Variants in ZHX3 observed in about 807,000 individuals in gnomAD.
ZHX3 encodes the protein zinc fingers and homeoboxes protein 3.
ZHX3 carries 20 observed loss-of-function variants against 64.5 expected under a neutral mutation model. The observed-to-expected ratio is 0.31, with a 90% confidence interval of 0.22 to 0.45. The LOEUF (loss-of-function observed/expected upper bound fraction) is 0.45. ZHX3 is among the 20% of genes least tolerant of loss of function. The pLI is 1.00. For synonymous variants in ZHX3, 423 were observed against 461.6 expected, an observed-to-expected ratio of 0.92 and a Z score of 1.07; for missense variants, 1,041 against 1,195.8, an observed-to-expected ratio of 0.87 and a Z score of 1.91.
At chr20:41,197,999 C>CTTTTTTTTTTT (rs11478855) in intron 3 of ZHX3, among the ~76,000 whole-genome samples, 1 of 110,396 alleles carries the variant, frequency 9.1e-6, no homozygotes, top group East Asian at 2.5e-4. Context: ...AACTAGTGCT[C>CTTTTTTTTTTT]TTTTTTTTTT....
Position 41,203,761 on chromosome 20 carries a change from G to C in ZHX3, c.1156C>G (p.Pro386Ala). 6.2e-7 allele frequency: 1 copy of C among 1,614,236 alleles called. No individual in the cohort carries two copies. The highest frequency in any genetic ancestry group is 1.1e-5 in the South Asian group (1 of 91,084). ...FNTVIQSVPQPTITVLNTPLV... is the reference protein window; with the variant it reads ...FNTVIQSVPQATITVLNTPLV... ...GGGGTATTTAGAACCGTAATTGTGG[G>C]CTGAGGCACAGACTGGATGACTGTA... The change falls in exon 3 of 4, where the codon CCC (proline) becomes GCC (alanine). Residue 386 changes from proline (P) to alanine (A), a missense_variant. Pro to Ala is a conservative substitution (Grantham distance 27). This residue lies in a region of ZHX3 where 649 missense variants were observed against 739.8 expected (regional missense o/e 0.88). Transcript: ENST00000683867. This position sits in a 1 kb window ranked among gnomAD's most constrained non-coding sequence, Gnocchi z 7.1.
rs192047312 is a variant in ZHX3 at position 41,218,953 on chromosome 20, G to A, written c.-150-13887C>T. Among the ~76,000 whole-genome samples, 460 of 126,564 alleles carry A rather than the reference G, an allele frequency of 3.6e-3. 4 individuals carry two copies. Among genetic ancestry groups the A allele is most frequent in the African/African-American group, 0.013 (433 of 32,154 alleles). 83.0% of individuals were successfully genotyped at this position (126,564 alleles called of 152,430 possible). ...TTTTTTTTTTTTTTTTTTTTGAGAC[G>A]GAGTCTCGCTCTGTCGCCTAGGCTG... On this transcript the variant is annotated intron_variant, in intron 2 of 3. Coordinates refer to ENST00000683867, the MANE Select transcript of ZHX3 (RefSeq NM_001384317.1).
chr20:41,299,710 A>G (rs1470488572), intron 1 of ZHX3, among the ~76,000 whole-genome samples: 1 of 152,022 alleles, frequency 6.6e-6, no homozygotes, highest in African/African-American at 2.4e-5. Context: ...AAAAATACAA[A>G]AATTAGCCAG....
intron 2 of ZHX3, among the ~76,000 whole-genome samples, chr20:41,206,610 A>G (rs1213511104): frequency 1.3e-5 from 2 of 152,226 alleles, no homozygotes; most frequent in African/African-American, 4.8e-5. Flanking sequence ...AAAAGAGAAA[A>G]AAGAAACGAA....
At chr20:41,272,898 G>C (rs538053004) in intron 1 of ZHX3, among the ~76,000 whole-genome samples, 4 of 152,280 alleles carry the variant, frequency 2.6e-5, no homozygotes, top group African/African-American at 9.6e-5. Flanking sequence ...AACAGGAGTG[G>C]AATTGCTGGG....
chr20:41,218,142 T>A (rs2039672516), intron 2 of ZHX3, among the ~76,000 whole-genome samples: 1 of 151,576 alleles, frequency 6.6e-6, no homozygotes, highest in Non-Finnish European at 1.5e-5. Context: ...CAAGACCCTG[T>A]CTCCTAAAAA....
rs1015819680 is a variant in ZHX3 at position 41,228,592 on chromosome 20, AGGGAG to A, written c.-150-23531_-150-23527del. ...CTGTCCTCACATGGCAGAAGGGACC[AGGGAG>A]TGTCTGGGGTCTCTTTTATAAGGCC... On this transcript the variant is annotated intron_variant, in intron 2 of 3. Coordinates refer to ENST00000683867, the MANE Select transcript of ZHX3 (RefSeq NM_001384317.1). The surrounding 1 kb of genome is among the most constrained non-coding windows in gnomAD (Gnocchi z 4.6). 6.6e-6 allele frequency among the ~76,000 whole-genome samples: 1 copy of A among 152,202 alleles called. No homozygotes were observed. Among genetic ancestry groups the A allele is most frequent in the African/African-American group, 2.4e-5 (1 of 41,452 alleles).
At chr20:41,260,167 C>T (rs6129788) in intron 2 of ZHX3, among the ~76,000 whole-genome samples, 1 of 148,716 alleles carries the variant, frequency 6.7e-6, no homozygotes, top group East Asian at 1.9e-4. Flanking sequence ...AAACATCTCT[C>T]TAAGCCAAAT....
chr20:41,297,279 G>A (rs1271570868), intron 1 of ZHX3, among the ~76,000 whole-genome samples: 1 of 152,126 alleles, frequency 6.6e-6, no homozygotes, highest in African/African-American at 2.4e-5. Context: ...CCCCCAATAG[G>A]CCTGAGTTGG....
At chr20:41,275,150 C>T (rs1290288294) in intron 1 of ZHX3, among the ~76,000 whole-genome samples, 4 of 151,926 alleles carry the variant, frequency 2.6e-5, no homozygotes, top group African/African-American at 9.7e-5. Flanking sequence ...AAGAGTGAAA[C>T]TCCGTCTCAA....
At chr20:41,263,551 T>A (rs2042671642) in intron 2 of ZHX3, among the ~76,000 whole-genome samples, 1 of 151,968 alleles carries the variant, frequency 6.6e-6, no homozygotes, top group Admixed American at 6.5e-5. Flanking sequence ...TATGCCACCA[T>A]GCCCGGCTAA....
At chr20:41,283,978 T>C (rs2043817022) in intron 1 of ZHX3, among the ~76,000 whole-genome samples, 1 of 152,170 alleles carries the variant, frequency 6.6e-6, no homozygotes, top group Non-Finnish European at 1.5e-5. Context: ...GTACAAGTAT[T>C]AATATATATG....
chr20:41,302,003 G>T (rs917903583), intron 1 of ZHX3, among the ~76,000 whole-genome samples: 6 of 139,466 alleles, frequency 4.3e-5, no homozygotes, highest in African/African-American at 1.6e-4. Context: ...GCAGTGAGCC[G>T]AGACTGCGCC....
At chr20:41,270,135 T>G (rs538258784) in intron 1 of ZHX3, among the ~76,000 whole-genome samples, 17 of 152,174 alleles carry the variant, frequency 1.1e-4, no homozygotes, top group African/African-American at 3.9e-4. Flanking sequence ...CTCACGCCTG[T>G]AATCCCAGCA....
At chr20:41,243,158 G>A (rs1326096356) in intron 2 of ZHX3, among the ~76,000 whole-genome samples, 3 of 152,192 alleles carry the variant, frequency 2.0e-5, no homozygotes, top group African/African-American at 7.2e-5. Flanking sequence ...ATAATGGGGA[G>A]TCAGAGGCAT....
At position 41,203,394 on chromosome 20, in the gene ZHX3, G is replaced by A; in HGVS notation, c.1523C>T (p.Ala508Val). The A allele has an allele frequency of 6.2e-7, 1 of 1,614,208 alleles. No individual in the cohort carries two copies. The highest frequency in any genetic ancestry group is 1.6e-4 in the Middle Eastern group (1 of 6,062). Residue 508 changes from alanine to valine, a missense_variant, in exon 3 of 4, where the codon GCT (alanine) becomes GTT (valine). Transcript: ENST00000683867. The surrounding 1 kb of genome is among the most constrained non-coding windows in gnomAD (Gnocchi z 7.1). ...KNKKSHEQLS[A>V]LKGSFCRNQF... ...GTTCCGACAGAAGCTCCCTTTCAGAGCTGACAGCTGTTCATGAGATTTCTT... is the reference window on the plus strand; with the variant it reads ...GTTCCGACAGAAGCTCCCTTTCAGAACTGACAGCTGTTCATGAGATTTCTT...
chr20:41,274,787 T>G (rs1160551755), intron 1 of ZHX3, among the ~76,000 whole-genome samples: 1 of 152,216 alleles, frequency 6.6e-6, no homozygotes, highest in Non-Finnish European at 1.5e-5. Context: ...AGTTTCAGTT[T>G]GCACCTCCTG....
At chr20:41,231,198 T>G (rs1386736196) in intron 2 of ZHX3, among the ~76,000 whole-genome samples, 2 of 152,224 alleles carry the variant, frequency 1.3e-5, no homozygotes, top group Non-Finnish European at 2.9e-5. Flanking sequence ...ATTTTTTGAC[T>G]TGTTAATTTT....
At chr20:41,296,977 A>G (rs1194086161) in intron 1 of ZHX3, among the ~76,000 whole-genome samples, 4 of 152,160 alleles carry the variant, frequency 2.6e-5, no homozygotes, top group African/African-American at 7.2e-5. Flanking sequence ...CACCATCACT[A>G]TAAACCCTGG....
Sources: allele counts gnomAD v4.1 joint callset (sites outside exome capture counted in the v4.1 genomes callset), GRCh38; gene constraint gnomAD v4.1.1; regional missense constraint gnomAD v4.1.1; non-coding constraint Gnocchi (gnomAD v3.1); transcripts MANE v1.5; gene names NCBI Gene and HGNC (gene_info 2026-07-23, HGNC 2026-07-21).